The following ELAVL2 variants were observed in gnomAD, a reference collection of about 807,000 sequenced individuals.
ELAVL2 encodes the protein ELAV like RNA binding protein 2.
A neutral mutation model predicts 34.6 loss-of-function variants in ELAVL2; 4 were observed. The observed-to-expected ratio is 0.12, with a 90% CI of 0.06 to 0.26. The LOEUF (loss-of-function observed/expected upper bound fraction) is 0.26. Ranked by LOEUF, ELAVL2 falls within the 10% of genes least tolerant of loss-of-function variation. The probability of loss-of-function intolerance (pLI) is 1.00; values close to 1 mark genes in which losing one functional copy is unlikely to be tolerated. For synonymous variants in ELAVL2, 193 were observed against 154.8 expected (o/e 1.25, Z -1.83); for missense variants, 432 against 442.8 (o/e 0.98, Z 0.22).
chr9:23,794,597 A>G (rs2060691009), intron 1 of ELAVL2, among the ~76,000 whole-genome samples: 1 of 152,208 alleles, frequency 6.6e-6, no homozygotes, highest in South Asian at 2.1e-4. Context: ...GAGAATTCCA[A>G]AGTATCAACC....
At position 23,692,812 on chromosome 9, in the gene ELAVL2, C is replaced by T; in HGVS notation, c.825G>A (p.Gly275=). ...CCAGGTTGTACACAAATATACACCACCCTGTTCCAGGGTGCCCAGGGATAT... is the reference window on the plus strand; with the variant it reads ...CCAGGTTGTACACAAATATACACCATCCTGTTCCAGGGTGCCCAGGGATAT... ...GINIPGHPGT[G]WCIFVYNLAP... Residue 275 remains glycine (G), a synonymous_variant, in exon 7 of 7, where the codon GGG becomes GGA. Transcript: ENST00000397312. 4 of 1,614,172 alleles carry T rather than the reference C, an allele frequency of 2.5e-6. No individual in the cohort carries two copies. Among genetic ancestry groups the T allele is most frequent in the Non-Finnish European group, 3.4e-6 (4 of 1,180,014 alleles).
intron 2 of ELAVL2, among the ~76,000 whole-genome samples, chr9:23,739,941 C>G (rs1306959255): frequency 6.6e-6 from 1 of 152,070 alleles, no homozygotes; most frequent in African/African-American, 2.4e-5. Context: ...ATGTCAGAGT[C>G]CCTGCAAACC....
chr9:23,817,853 TATC>T (rs934194848), intron 1 of ELAVL2, among the ~76,000 whole-genome samples: 1 of 152,344 alleles, frequency 6.6e-6, no homozygotes, highest in African/African-American at 2.4e-5. Context: ...CTCCAAAAGT[TATC>T]ATTTAAATCA....
At chr9:23,694,353 G>A (rs1234564417) in intron 5 of ELAVL2, among the ~76,000 whole-genome samples, 1 of 151,992 alleles carries the variant, frequency 6.6e-6, no homozygotes, top group African/African-American at 2.4e-5. Flanking sequence ...TCAAATATTA[G>A]TTTTACAGCA....
intron 1 of ELAVL2, among the ~76,000 whole-genome samples, chr9:23,776,700 ATCCCTTCTCTACC>A (rs1202649915): frequency 1.3e-5 from 2 of 148,920 alleles, no homozygotes; most frequent in East Asian, 4.0e-4. Flanking sequence ...GCCAGAAATA[ATCCCTTCTCTACC>A]TGACCTATGC....
At chr9:23,775,568 C>T (rs537169254) in intron 1 of ELAVL2, among the ~76,000 whole-genome samples, 2 of 152,118 alleles carry the variant, frequency 1.3e-5, no homozygotes, top group African/African-American at 2.4e-5. Context: ...CTCCATTCCA[C>T]GGCTGTGGGG....
At chr9:23,755,979 T>C (rs373017310) in intron 2 of ELAVL2, among the ~76,000 whole-genome samples, 1 of 152,184 alleles carries the variant, frequency 6.6e-6, no homozygotes, top group Non-Finnish European at 1.5e-5. Context: ...GTGTTCACTG[T>C]GATTGACTCA....
chr9:23,828,952 T>C (rs1211905714), upstream of ELAVL2, among the ~76,000 whole-genome samples: 1 of 152,248 alleles, frequency 6.6e-6, no homozygotes, highest in African/African-American at 2.4e-5. Context: ...CATACTATCC[T>C]ATGATTAATT....
the ELAVL2 span, among the ~76,000 whole-genome samples, chr9:23,841,069 C>T: frequency 1.3e-5 from 2 of 152,092 alleles, 1 homozygote; most frequent in South Asian, 4.1e-4. Flanking sequence ...AATATCTTCC[C>T]ATTAGTGGAG....
chr9:23,720,903 G>A (rs1040124882), intron 3 of ELAVL2, among the ~76,000 whole-genome samples: 3 of 152,130 alleles, frequency 2.0e-5, no homozygotes, highest in Non-Finnish European at 4.4e-5. Flanking sequence ...GATTCAGTAA[G>A]TCCTGGTTGG....
chr9:23,714,109 A>C (rs188148592), intron 3 of ELAVL2, among the ~76,000 whole-genome samples: 86 of 152,314 alleles, frequency 5.6e-4, no homozygotes, highest in African/African-American at 2.0e-3. Context: ...TCAGATAATG[A>C]TAGCTCCTAA....
At chr9:23,732,875 G>T (rs1177206502) in intron 2 of ELAVL2, among the ~76,000 whole-genome samples, 3 of 152,086 alleles carry the variant, frequency 2.0e-5, no homozygotes, top group Admixed American at 6.6e-5. Flanking sequence ...AATGATGAAA[G>T]TGGATCGTCA....
chr9:23,716,420 CACCT>C (rs2042326794), intron 3 of ELAVL2, among the ~76,000 whole-genome samples: 1 of 152,106 alleles, frequency 6.6e-6, no homozygotes, highest in African/African-American at 2.4e-5. Flanking sequence ...TGTATAGTGA[CACCT>C]ACCAACAAGT....
chr9:23,709,077 C>T (rs958022690), intron 3 of ELAVL2, among the ~76,000 whole-genome samples: 8 of 152,036 alleles, frequency 5.3e-5, no homozygotes, highest in Admixed American at 3.3e-4. Flanking sequence ...GTAAGCAATG[C>T]CATTTTCGTT....
chr9:23,781,351 A>T (rs981822741), intron 1 of ELAVL2, among the ~76,000 whole-genome samples: 1 of 152,150 alleles, frequency 6.6e-6, no homozygotes, highest in Non-Finnish European at 1.5e-5. Flanking sequence ...AGATACACAT[A>T]AACACACACA....
intron 3 of ELAVL2, among the ~76,000 whole-genome samples, chr9:23,722,540 G>C (rs1400894561): frequency 6.6e-6 from 1 of 152,176 alleles, no homozygotes; most frequent in Admixed American, 6.5e-5. Flanking sequence ...ATCTGGTCCA[G>C]AAAGTCTCAA....
chr9:23,757,044 T>C (rs1441134188), intron 2 of ELAVL2, among the ~76,000 whole-genome samples: 1 of 152,098 alleles, frequency 6.6e-6, no homozygotes, highest in African/African-American at 2.4e-5. Context: ...GACAACAGAT[T>C]CCAAAACTCC....
intron 2 of ELAVL2, among the ~76,000 whole-genome samples, chr9:23,747,907 A>T (rs1184255594): frequency 6.6e-6 from 1 of 151,994 alleles, no homozygotes; most frequent in African/African-American, 2.4e-5. Context: ...AAGATATAAG[A>T]CCTAAATTTT....
At chr9:23,702,069 G>A (rs1195606310) in intron 4 of ELAVL2, among the ~76,000 whole-genome samples, 1 of 152,100 alleles carries the variant, frequency 6.6e-6, no homozygotes, top group Non-Finnish European at 1.5e-5. Flanking sequence ...ACAAAGCTAT[G>A]CTAAAAATAC....
Sources: gnomAD v4.1 joint callset for allele counts (sites outside exome capture counted in the v4.1 genomes callset) on GRCh38, gnomAD v4.1.1 for gene constraint, MANE v1.5 for transcripts, NCBI Gene and HGNC (gene_info 2026-07-23, HGNC 2026-07-21) for gene names.